LMF1: variants seen among roughly 807,000 people sequenced by gnomAD.
LMF1 encodes transmembrane protein 112.
Under a neutral mutation model 60.6 loss-of-function variants are expected in LMF1, and 68 were observed. That is an observed-to-expected ratio of 1.12 (90% confidence interval 0.92 to 1.37). The LOEUF is 1.37. Among genes scored for constraint, LMF1 ranks in the 40% most tolerant of loss-of-function variants. The pLI is 0.00. For synonymous variants in LMF1, 418 were observed against 324.7 expected (o/e 1.29, Z -3.09); for missense variants, 948 against 767.2 (o/e 1.24, Z -2.78).
At chr16:956,294 A>T (rs66814413) in intron 1 of LMF1, among the ~76,000 whole-genome samples, 1 of 148,500 alleles carries the variant, frequency 6.7e-6, no homozygotes, top group African/African-American at 2.5e-5. Flanking sequence ...CACCCACAAC[A>T]GCTCTCTCAC....
intron 1 of LMF1, 56 bp downstream of exon 1, chr16:970,732 G>C: frequency 2.1e-6 from 3 of 1,447,454 alleles, no homozygotes; most frequent in Non-Finnish European, 2.8e-6. Context: ...GGAGGGCGGG[G>C]GTCGTGGTGC....
At chr16:875,848 C>T (rs958671277) in intron 6 of LMF1, among the ~76,000 whole-genome samples, 5 of 152,256 alleles carry the variant, frequency 3.3e-5, no homozygotes, top group South Asian at 2.1e-4. Context: ...TGTGTGGGGT[C>T]GGGGTGACTC....
intron 4 of LMF1, among the ~76,000 whole-genome samples, chr16:910,533 C>T (rs2071081374): frequency 6.6e-6 from 1 of 152,196 alleles, no homozygotes; most frequent in African/African-American, 2.4e-5. Flanking sequence ...CCAACGCGCC[C>T]ACCATGGCCT....
At chr16:979,213 C>T in intron 1 of LMF1, 1 of 407,152 alleles carries the variant, frequency 2.5e-6, no homozygotes, top group South Asian at 1.7e-5. Flanking sequence ...GGCCTAGTGG[C>T]TCACACCCGC....
chr16:930,320 GA>G (rs2071743450), intron 3 of LMF1, among the ~76,000 whole-genome samples: 1 of 152,256 alleles, frequency 6.6e-6, no homozygotes, highest in African/African-American at 2.4e-5. Flanking sequence ...GAGCTCGCTG[GA>G]GGGGCTCTTA....
intron 9 of LMF1, 88 bp from the exon 10 acceptor site, chr16:869,144 C>T (rs1430379805): frequency 3.4e-6 from 3 of 878,072 alleles, no homozygotes; most frequent in East Asian, 2.4e-5. Flanking sequence ...CCTCCACTCC[C>T]TCCTGAGGCT....
intron 2 of LMF1, among the ~76,000 whole-genome samples, chr16:937,053 C>T (rs951084900): frequency 2.0e-5 from 3 of 152,114 alleles, no homozygotes; most frequent in Admixed American, 6.5e-5. Context: ...AAAATACAAG[C>T]GTTGTGCAGA....
intron 5 of LMF1, among the ~76,000 whole-genome samples, chr16:890,353 T>C (rs58389057): frequency 0.39 from 59,759 of 152,078 alleles, 13,084 homozygotes; most frequent in African/African-American, 0.57. Flanking sequence ...CCTCATGCCT[T>C]TTCAAGTCAC....
chr16:905,116 C>A, intron 4 of LMF1: 1 of 149,484 alleles, frequency 6.7e-6, no homozygotes, highest in Non-Finnish European at 1.3e-5. Context: ...GTCTCTGCTG[C>A]GTGGTGGTGA....
chr16:947,292 AG>A (rs2072260618), intron 2 of LMF1: 1 of 362,216 alleles, frequency 2.8e-6, no homozygotes, highest in Admixed American at 3.7e-5. Flanking sequence ...GCATTAACAC[AG>A]AGACAGAGGC....
At chr16:857,721 C>T (rs374567462) in intron 10 of LMF1, among the ~76,000 whole-genome samples, 15 of 43,742 alleles carry the variant, frequency 3.4e-4, no homozygotes, top group Admixed American at 6.5e-4. Flanking sequence ...TGTCTCGGGA[C>T]GGGTGTGCGT....
rs575792535 is a variant in LMF1 at position 871,623 on chromosome 16, G to A, written c.898-282C>T. 33 of 433,606 alleles carry A rather than the reference G, an allele frequency of 7.6e-5. 1 individual carries two copies. Among genetic ancestry groups the A allele is most frequent in the South Asian group, 2.8e-4 (9 of 32,286 alleles). 26.9% of individuals were successfully genotyped at this position (433,606 alleles called of 1,614,324 possible). On this transcript the variant is annotated intron_variant, in intron 6 of 10. Transcript: ENST00000262301. ...CCCTTGCTTTAGTGATCCGCAAGGC[G>A]GGGGCTGGACCAGACCACCAGACCC...
chr16:889,913 G>C (rs2070429146), intron 5 of LMF1, among the ~76,000 whole-genome samples: 1 of 152,204 alleles, frequency 6.6e-6, no homozygotes, highest in African/African-American at 2.4e-5. Flanking sequence ...TCCTGTCCCA[G>C]CTGAGGACCC....
At chr16:876,297 C>T (rs915980710) in intron 6 of LMF1, among the ~76,000 whole-genome samples, 12 of 152,230 alleles carry the variant, frequency 7.9e-5, no homozygotes, top group East Asian at 7.7e-4. Context: ...CTAGGATGTC[C>T]GGAAGAGGCA....
chr16:887,502 G>C (rs148899452), intron 5 of LMF1, among the ~76,000 whole-genome samples: 1 of 152,196 alleles, frequency 6.6e-6, no homozygotes, highest in African/African-American at 2.4e-5. Flanking sequence ...CGTGAGCCGA[G>C]GCTTCTGTCA....
chr16:937,889 A>C (rs1244367465), intron 2 of LMF1, among the ~76,000 whole-genome samples: 1 of 151,546 alleles, frequency 6.6e-6, no homozygotes, highest in Non-Finnish European at 1.5e-5. Context: ...GTCCTCCTGA[A>C]CCACGCCCAG....
At chr16:857,461 C>CACGGGACGGG in intron 10 of LMF1, among the ~76,000 whole-genome samples, 1 of 144,196 alleles carries the variant, frequency 6.9e-6, no homozygotes, top group African/African-American at 2.7e-5. Context: ...TGAGTGGTGT[C>CACGGGACGGG]TCGGGACGGG....
intron 5 of LMF1, among the ~76,000 whole-genome samples, chr16:882,989 CGGCAGAGCCT>C (rs2070207816): frequency 3.0e-5 from 4 of 134,696 alleles, no homozygotes; most frequent in Non-Finnish European, 1.5e-5. Context: ...AAGAGCTGCC[CGGCAGAGCCT>C]ATCACAGGAC....
chr16:924,548 G>A (rs2071540059), intron 3 of LMF1, among the ~76,000 whole-genome samples: 1 of 152,162 alleles, frequency 6.6e-6, no homozygotes, highest in Non-Finnish European at 1.5e-5. Context: ...GGCTGTCCTT[G>A]GTCTAGAGGC....
Sources: allele counts gnomAD v4.1 joint callset (sites outside exome capture counted in the v4.1 genomes callset), GRCh38; gene constraint gnomAD v4.1.1; transcripts MANE v1.5; gene names NCBI Gene and HGNC (gene_info 2026-07-23, HGNC 2026-07-21).